Variants in BNC2 observed in about 807,000 individuals in gnomAD.
BNC2 encodes zinc finger protein basonuclin-2.
Under a neutral mutation model 76.3 loss-of-function variants are expected in BNC2, and 20 were observed. The observed-to-expected ratio is 0.26, with a 90% CI of 0.18 to 0.38. The LOEUF (loss-of-function observed/expected upper bound fraction) is 0.38, where lower values mean the gene tolerates loss of function less well. BNC2 is among the 10% of genes least tolerant of loss of function. BNC2 has a pLI of 1.00. For missense variants in BNC2, 1,382 were observed against 1,399.8 expected, an observed-to-expected ratio of 0.99 and a Z score of 0.20; for synonymous variants, 582 against 514.8, an observed-to-expected ratio of 1.13 and a Z score of -1.77.
intron 5 of BNC2, among the ~76,000 whole-genome samples, chr9:16,440,884 T>TTTATAGTG (rs1349414388): frequency 1.6e-4 from 24 of 152,236 alleles, no homozygotes; most frequent in African/African-American, 5.1e-4. Context: ...AGAAGCTTTA[T>TTTATAGTG]TTATAGTGGT....
chr9:16,637,682 A>C (rs2133815304), intron 3 of BNC2, among the ~76,000 whole-genome samples: 1 of 152,378 alleles, frequency 6.6e-6, no homozygotes, highest in East Asian at 1.9e-4. Context: ...AGATGTGTAC[A>C]CACAACCATG....
At chr9:16,820,029 G>C (rs942301809) in intron 1 of BNC2, among the ~76,000 whole-genome samples, 10 of 149,336 alleles carry the variant, frequency 6.7e-5, no homozygotes, top group African/African-American at 2.5e-4. Context: ...GGAGGCTGAG[G>C]CAGGAGAATC....
At chr9:16,593,877 TAGA>T (rs1266408519) in intron 3 of BNC2, among the ~76,000 whole-genome samples, 7 of 152,100 alleles carry the variant, frequency 4.6e-5, no homozygotes, top group African/African-American at 1.7e-4. Context: ...CCTAACTTTA[TAGA>T]AGGAGGCAAA....
chr9:16,741,138 A>C (rs1824836971), intron 1 of BNC2, among the ~76,000 whole-genome samples: 1 of 152,156 alleles, frequency 6.6e-6, no homozygotes, highest in African/African-American at 2.4e-5. Context: ...GGAATCGAGG[A>C]GTACTAGAAG....
At position 16,436,335 on chromosome 9, in the gene BNC2, G is replaced by A. The variant is rs748997655; in HGVS notation, c.1859C>T (p.Thr620Ile). 2.5e-6 allele frequency: 4 copies of A among 1,614,138 alleles called. No homozygotes were observed. The South Asian group carries it at 3.3e-5, about 13-fold the overall frequency. ...TGCCAGGTCAGCACTGGGCTCATGG[G>A]TGGCCATCATCACTGCTGGCACTAC... ...EPVVPAVMMATHEPSADLAPK... is the reference protein window; with the variant it reads ...EPVVPAVMMAIHEPSADLAPK... The change falls in exon 6 of 7, where the codon ACC becomes ATC. Residue 620 changes from threonine to isoleucine, a missense_variant. By Grantham distance (89) the Thr-to-Ile change is moderately conservative. Coordinates refer to ENST00000380672, the MANE Select transcript of BNC2 (RefSeq NM_017637.6).
chr9:16,498,137 A>T (rs1200815441), intron 5 of BNC2, among the ~76,000 whole-genome samples: 1 of 120,776 alleles, frequency 8.3e-6, no homozygotes, highest in Admixed American at 8.0e-5. Context: ...TCATATATAT[A>T]TTCTATCATA....
At position 16,419,348 on chromosome 9, in the gene BNC2, C is replaced by A. The variant is rs201719018; in HGVS notation, c.2941G>T (p.Asp981Tyr). 1 of 1,610,792 alleles carries A rather than the reference C, an allele frequency of 6.2e-7. No homozygotes were observed. The highest frequency in any genetic ancestry group is 8.5e-7 in the Non-Finnish European group (1 of 1,177,818). ...AGAATCCCCTCATCGCTGCCTGCGT[C>A]GGATTCTCTGGAGGAATGGATACTG... Reference protein sequence around the residue: ...SSSIHSSRESDAGSDEGILLD... With the variant: ...SSSIHSSRESYAGSDEGILLD... Residue 981 changes from aspartate (D) to tyrosine (Y), a missense_variant, in exon 7 of 7, where the codon GAC becomes TAC. Physicochemically the swap from Asp to Tyr is radical, Grantham distance 160 (BLOSUM62 -3). This residue lies in a region of BNC2 where 798 missense variants were observed against 775.5 expected (regional missense o/e 1.03). Transcript: ENST00000380672.
At chr9:16,632,691 G>A (rs1225307837) in intron 3 of BNC2, among the ~76,000 whole-genome samples, 2 of 152,150 alleles carry the variant, frequency 1.3e-5, no homozygotes, top group South Asian at 2.1e-4. Context: ...CCATTACACT[G>A]AGTACAGACT....
chr9:16,786,247 T>G (rs1003354502), intron 1 of BNC2, among the ~76,000 whole-genome samples: 4 of 151,932 alleles, frequency 2.6e-5, no homozygotes, highest in African/African-American at 9.7e-5. Context: ...AAACAAGGAG[T>G]CTTTTCAGGT....
chr9:16,756,456 C>T (rs2083072988), intron 1 of BNC2, among the ~76,000 whole-genome samples: 1 of 152,102 alleles, frequency 6.6e-6, no homozygotes, highest in African/African-American at 2.4e-5. Flanking sequence ...AAATAGCCTC[C>T]TACCTCAGCT....
chr9:16,720,088 CT>C (rs1296275543), intron 3 of BNC2, among the ~76,000 whole-genome samples: 1 of 152,222 alleles, frequency 6.6e-6, no homozygotes, highest in Admixed American at 6.5e-5. Context: ...GCCAGGGCCC[CT>C]GGTTACACGT....
intron 5 of BNC2, among the ~76,000 whole-genome samples, chr9:16,484,986 G>C (rs1378171458): frequency 6.6e-6 from 1 of 152,040 alleles, no homozygotes; most frequent in Non-Finnish European, 1.5e-5. Flanking sequence ...ATATCCCTGT[G>C]GTTATAATTA....
At chr9:16,431,006 T>G (rs1443538407) in intron 6 of BNC2, among the ~76,000 whole-genome samples, 1 of 152,212 alleles carries the variant, frequency 6.6e-6, no homozygotes, top group African/African-American at 2.4e-5. Context: ...ATGCTTACCT[T>G]TCAGATGAAA....
At chr9:16,774,352 C>T (rs1379781667) in intron 1 of BNC2, among the ~76,000 whole-genome samples, 5 of 152,256 alleles carry the variant, frequency 3.3e-5, no homozygotes, top group Admixed American at 2.0e-4. Flanking sequence ...AACTGCACAT[C>T]GAACTGAATC....
intron 3 of BNC2, among the ~76,000 whole-genome samples, chr9:16,588,455 G>T (rs1587205271): frequency 6.6e-6 from 1 of 152,044 alleles, no homozygotes; most frequent in Non-Finnish European, 1.5e-5. Context: ...TTATGGTTCA[G>T]AAACGTTTAT....
chr9:16,607,057 C>T (rs1820407265), intron 3 of BNC2, among the ~76,000 whole-genome samples: 2 of 152,134 alleles, frequency 1.3e-5, no homozygotes, highest in Admixed American at 1.3e-4. Flanking sequence ...GGGCGATCTT[C>T]CTGTCTCAGC....
chr9:16,856,513 A>G (rs1460900397), intron 1 of BNC2, among the ~76,000 whole-genome samples: 1 of 152,062 alleles, frequency 6.6e-6, no homozygotes, highest in African/African-American at 2.4e-5. Context: ...ACTCAAAATG[A>G]TTCTCCTGCC....
intron 1 of BNC2, among the ~76,000 whole-genome samples, chr9:16,756,717 C>G (rs1825392612): frequency 6.6e-6 from 1 of 152,188 alleles, no homozygotes; most frequent in Non-Finnish European, 1.5e-5. Flanking sequence ...AGGCTGGGCA[C>G]AGGGGCTCAC....
chr9:16,754,099 A>C (rs1825305575), intron 1 of BNC2, among the ~76,000 whole-genome samples: 1 of 152,202 alleles, frequency 6.6e-6, no homozygotes, highest in Non-Finnish European at 1.5e-5. Context: ...TTATTAACCG[A>C]CACTCTCAGA....
Sources: allele counts gnomAD v4.1 joint callset (sites outside exome capture counted in the v4.1 genomes callset), GRCh38; gene constraint gnomAD v4.1.1; regional missense constraint gnomAD v4.1.1; transcripts MANE v1.5; gene names NCBI Gene and HGNC (gene_info 2026-07-23, HGNC 2026-07-21).